PLXNA4: variants seen among roughly 807,000 people sequenced by gnomAD.
The protein encoded by PLXNA4 is plexin-A4.
A neutral mutation model predicts 191.8 loss-of-function variants in PLXNA4; 44 were observed. The ratio of observed to expected loss-of-function variants is 0.23; its 90% confidence interval spans 0.18 to 0.29. PLXNA4 has a LOEUF of 0.29. Among genes scored for constraint, PLXNA4 ranks in the 10% least tolerant of loss-of-function variants. The probability of loss-of-function intolerance (pLI) is 1.00; values close to 1 mark genes in which losing one functional copy is unlikely to be tolerated. For missense variants in PLXNA4, 1,800 were observed against 2,488.8 expected, an observed-to-expected ratio of 0.72 and a Z score of 5.89; for synonymous variants, 1,082 against 1,009.5, an observed-to-expected ratio of 1.07 and a Z score of -1.36.
intron 28 of PLXNA4, chr7:132,145,643 C>A (rs1382980869): frequency 1.8e-5 from 5 of 285,616 alleles, no homozygotes; most frequent in Non-Finnish European, 3.3e-5. Context: ...AATCTGCTGG[C>A]TTTGTTTGGG....
intron 1 of PLXNA4, among the ~76,000 whole-genome samples, chr7:132,647,856 T>C (rs1332792295): frequency 6.6e-6 from 1 of 151,352 alleles, no homozygotes; most frequent in Non-Finnish European, 1.5e-5. Context: ...CACTATCATA[T>C]ACACACATAC....
intron 20 of PLXNA4, among the ~76,000 whole-genome samples, chr7:132,176,965 G>A (rs1796489702): frequency 6.6e-6 from 1 of 151,954 alleles, no homozygotes; most frequent in Non-Finnish European, 1.5e-5. Flanking sequence ...GAGTGCGTGA[G>A]TGTATGAGTG....
At chr7:132,603,981 G>A (rs1362649111) in intron 2 of PLXNA4, among the ~76,000 whole-genome samples, 1 of 152,202 alleles carries the variant, frequency 6.6e-6, no homozygotes, top group Non-Finnish European at 1.5e-5. Flanking sequence ...TTGCAAGGTT[G>A]TGGTGAGGAT....
At chr7:132,613,361 C>T (rs553463732) in intron 2 of PLXNA4, among the ~76,000 whole-genome samples, 6 of 152,322 alleles carry the variant, frequency 3.9e-5, no homozygotes, top group Non-Finnish European at 7.3e-5. Context: ...ACCCTCCCCC[C>T]CGACATCTCC....
chr7:132,570,318 C>A (rs1801920894), intron 1 of PLXNA4, among the ~76,000 whole-genome samples: 1 of 152,184 alleles, frequency 6.6e-6, no homozygotes, highest in South Asian at 2.1e-4. Context: ...ACATTCCAGG[C>A]AGGCTGCTTC....
At chr7:132,630,036 G>A (rs926044350) in intron 2 of PLXNA4, among the ~76,000 whole-genome samples, 1 of 152,106 alleles carries the variant, frequency 6.6e-6, no homozygotes, top group Non-Finnish European at 1.5e-5. Context: ...ATTTTTAGTA[G>A]AGACAGGGTT....
chr7:132,310,341 G>A lies in PLXNA4; in HGVS notation c.1372-12119C>T, dbSNP rs796168433. Among the ~76,000 whole-genome samples, 7 of 152,348 alleles carry A rather than the reference G, an allele frequency of 4.6e-5. 1 individual carries two copies. Among genetic ancestry groups the A allele is most frequent in the African/African-American group, 1.7e-4 (7 of 41,578 alleles). On this transcript the variant is annotated intron_variant, in intron 3 of 31. Coordinates refer to ENST00000321063, the MANE Select transcript of PLXNA4 (RefSeq NM_020911.2). ...TTAGCCAATGTGAAGATGAAGAGGA[G>A]ATAATGTGATGCTGATGATGGTGTA...
intron 8 of PLXNA4, among the ~76,000 whole-genome samples, chr7:132,225,204 A>G (rs1202733246): frequency 6.6e-6 from 1 of 152,256 alleles, no homozygotes; most frequent in African/African-American, 2.4e-5. Context: ...TTTGATAAAG[A>G]AAAGATAATA....
chr7:132,465,652 G>A (rs1014359569), intron 3 of PLXNA4, among the ~76,000 whole-genome samples: 9 of 152,146 alleles, frequency 5.9e-5, no homozygotes, highest in Non-Finnish European at 7.3e-5. Context: ...AAAGCCCTTC[G>A]TCCTCTCCCA....
At chr7:132,353,906 C>T (rs766360540) in intron 3 of PLXNA4, among the ~76,000 whole-genome samples, 2 of 152,170 alleles carry the variant, frequency 1.3e-5, no homozygotes, top group African/African-American at 2.4e-5. Context: ...TTCTTGAAAG[C>T]TTTGCAACCC....
rs768447641 is a variant in PLXNA4 at position 132,140,816 on chromosome 7, G to A, written c.5226-5C>T. On this transcript the variant is annotated splice_polypyrimidine_tract_variant and splice_region_variant and intron_variant, in intron 29 of 31. Transcript: ENST00000321063. ...ACCCAAAACCTCAGGGGCAGGCTGC[G>A]TGGAAGGAAGAGGCAGATGGTCAGG... 7.2e-5 allele frequency: 117 copies of A among 1,613,870 alleles called. No individual in the cohort carries two copies. In the Middle Eastern group the frequency reaches 1.6e-3, roughly 23 times the overall value.
intron 2 of PLXNA4, among the ~76,000 whole-genome samples, chr7:132,634,961 T>C (rs964844373): frequency 1.3e-5 from 2 of 151,992 alleles, no homozygotes; most frequent in Non-Finnish European, 2.9e-5. Flanking sequence ...GGTTAGAATA[T>C]AAAGAAGGCA....
At chr7:132,577,787 CA>C (rs1802318081), upstream of PLXNA4, among the ~76,000 whole-genome samples, 1 of 152,170 alleles carries the variant, frequency 6.6e-6, no homozygotes, top group African/African-American at 2.4e-5. Context: ...CTCAGGTGCT[CA>C]GAGCTGACAC....
At chr7:132,495,825 C>A (rs1424515976) in intron 2 of PLXNA4, among the ~76,000 whole-genome samples, 6 of 152,222 alleles carry the variant, frequency 3.9e-5, no homozygotes, top group Admixed American at 3.9e-4. Flanking sequence ...CCTTTGGTTC[C>A]TTGGGCTATT....
intron 2 of PLXNA4, among the ~76,000 whole-genome samples, chr7:132,604,606 G>A (rs1246355363): frequency 6.6e-6 from 1 of 152,154 alleles, no homozygotes; most frequent in African/African-American, 2.4e-5. Flanking sequence ...TTGGCCAAGA[G>A]ATGCCACAGG....
intron 2 of PLXNA4, among the ~76,000 whole-genome samples, chr7:132,506,070 T>C (rs1449575755): frequency 2.0e-5 from 3 of 152,124 alleles, no homozygotes; most frequent in African/African-American, 7.2e-5. Context: ...AGGGAACTCC[T>C]GGATTTTCAA....
At chr7:132,322,884 A>G (rs1802228749) in intron 3 of PLXNA4, among the ~76,000 whole-genome samples, 1 of 152,182 alleles carries the variant, frequency 6.6e-6, no homozygotes, top group African/African-American at 2.4e-5. Context: ...CCTGTGACTT[A>G]AGAGATCTGT....
chr7:132,258,593 C>T (rs993401631), intron 4 of PLXNA4, among the ~76,000 whole-genome samples: 3 of 152,204 alleles, frequency 2.0e-5, no homozygotes, highest in Non-Finnish European at 4.4e-5. Context: ...TCACCACTCT[C>T]CTCCTTCCTG....
rs1348519186 is a variant in PLXNA4 at position 132,489,313 on chromosome 7, G to C, written c.1350C>G (p.Thr450=). The part of the protein sequence containing the change: ...YKNHSLAFVG[T]KSGKLKKIRV... ...CTACCTTCTTCAGCTTGCCACTTTT[G>C]GTGCCCACAAAGGCCAGAGAGTGGT... The change falls in exon 3 of 32, where the codon ACC becomes ACG. Residue 450 remains threonine, a synonymous_variant. Transcript: ENST00000321063. The C allele has an allele frequency of 6.3e-7, 1 of 1,585,178 alleles. No individual in the cohort carries two copies. The highest frequency in any genetic ancestry group is 1.1e-5 in the South Asian group (1 of 90,180).
Sources: allele counts gnomAD v4.1 joint callset (sites outside exome capture counted in the v4.1 genomes callset), GRCh38; gene constraint gnomAD v4.1.1; transcripts MANE v1.5; gene names NCBI Gene and HGNC (gene_info 2026-07-23, HGNC 2026-07-21).